The following IL1RAPL2 variants were observed in gnomAD, a reference collection of about 807,000 sequenced individuals.
The protein encoded by IL1RAPL2 is X-linked interleukin-1 receptor accessory protein-like 2.
A neutral mutation model predicts 44.1 loss-of-function variants in IL1RAPL2; 3 were observed. The ratio of observed to expected loss-of-function variants is 0.07; its 90% confidence interval spans 0.03 to 0.18. IL1RAPL2 has a LOEUF of 0.18. Ranked by LOEUF, IL1RAPL2 falls within the 10% of genes least tolerant of loss-of-function variation. IL1RAPL2 has a pLI of 1.00. For missense variants in IL1RAPL2, 391 were observed against 496.4 expected, an observed-to-expected ratio of 0.79 and a Z score of 2.02; for synonymous variants, 181 against 178.8, an observed-to-expected ratio of 1.01 and a Z score of -0.10.
chrX:105,065,236 C>CA (rs1240027966), intron 2 of IL1RAPL2, among the ~76,000 whole-genome samples: 15 of 112,072 alleles, frequency 1.3e-4, no homozygotes, highest in African/African-American at 4.2e-4. Context: ...GTTCATATGA[C>CA]AGACATGGAA....
At chrX:104,956,495 T>TGTGTGTGTGTGTGTGTGTGTG (rs1556020850) in intron 2 of IL1RAPL2, among the ~76,000 whole-genome samples, 6 of 108,549 alleles carry the variant, frequency 5.5e-5, no homozygotes, top group African/African-American at 1.3e-4. Context: ...TGTGTGTGTG[T>TGTGTGTGTGTGTGTGTGTGTG]TATGCCGGGC....
chrX:105,287,935 A>G (rs1406143546), intron 5 of IL1RAPL2, among the ~76,000 whole-genome samples: 1 of 111,364 alleles, frequency 9.0e-6, no homozygotes, highest in Non-Finnish European at 1.9e-5. Flanking sequence ...CCCACAGTCT[A>G]GTAGGGAAGG....
At chrX:104,827,227 T>A (rs1487439913) in intron 2 of IL1RAPL2, among the ~76,000 whole-genome samples, 4 of 110,810 alleles carry the variant, frequency 3.6e-5, no homozygotes. Flanking sequence ...GTACTGATGG[T>A]CTTTACATTT....
intron 2 of IL1RAPL2, among the ~76,000 whole-genome samples, chrX:104,874,430 A>C (rs1922853651): frequency 9.2e-6 from 1 of 109,216 alleles, no homozygotes; most frequent in African/African-American, 3.3e-5. Flanking sequence ...TGAATGGCAG[A>C]AGAGATTAGT....
intron 1 of IL1RAPL2, among the ~76,000 whole-genome samples, chrX:104,594,835 A>G (rs758393412): frequency 9.0e-6 from 1 of 111,428 alleles, no homozygotes; most frequent in Non-Finnish European, 1.9e-5. Flanking sequence ...GGACAAAGGG[A>G]CAGTAGGTGC....
At chrX:105,248,750 T>C (rs1026812951) in intron 4 of IL1RAPL2, among the ~76,000 whole-genome samples, 1 of 111,635 alleles carries the variant, frequency 9.0e-6, no homozygotes, top group African/African-American at 3.2e-5. Flanking sequence ...AGGTGCTCAA[T>C]ATCATTGATC....
intron 2 of IL1RAPL2, among the ~76,000 whole-genome samples, chrX:104,749,080 A>G (rs1468255424): frequency 9.0e-6 from 1 of 111,444 alleles, no homozygotes; most frequent in Non-Finnish European, 1.9e-5. Flanking sequence ...GGGAAATATA[A>G]CAGTAAGGAT....
intron 2 of IL1RAPL2, among the ~76,000 whole-genome samples, chrX:104,739,324 T>A (rs1932065591): frequency 1.8e-5 from 2 of 112,281 alleles, no homozygotes; most frequent in African/African-American, 6.5e-5. Flanking sequence ...TATTTATTTT[T>A]AAAAAAACAG....
chrX:105,568,634 G>A (rs1322707759), intron 6 of IL1RAPL2, among the ~76,000 whole-genome samples: 3 of 111,988 alleles, frequency 2.7e-5, no homozygotes, highest in Non-Finnish European at 5.6e-5. Context: ...AAGATTGGTG[G>A]TTACTTGGCT....
At chrX:105,134,510 C>T (rs192060944) in intron 2 of IL1RAPL2, among the ~76,000 whole-genome samples, 16 of 111,707 alleles carry the variant, frequency 1.4e-4, no homozygotes, top group African/African-American at 4.9e-4. Flanking sequence ...CAAGAGTAGT[C>T]ACTTAGTTTT....
chrX:105,113,392 T>C (rs941351836), intron 2 of IL1RAPL2, among the ~76,000 whole-genome samples: 2 of 112,466 alleles, frequency 1.8e-5, no homozygotes, highest in Admixed American at 9.3e-5. Flanking sequence ...GGTGTCCTTC[T>C]ACAGAGGTAG....
intron 2 of IL1RAPL2, among the ~76,000 whole-genome samples, chrX:104,920,632 A>G (rs1262369651): frequency 9.4e-6 from 1 of 106,233 alleles, no homozygotes; most frequent in African/African-American, 3.4e-5. Context: ...GATGCCTAGC[A>G]GATGCCAGTG....
intron 2 of IL1RAPL2, among the ~76,000 whole-genome samples, chrX:105,042,742 G>T (rs1187826236): frequency 1.9e-5 from 2 of 106,412 alleles, no homozygotes; most frequent in South Asian, 8.8e-4. Flanking sequence ...ATACCCAAAG[G>T]ACTATAAATC....
intron 1 of IL1RAPL2, among the ~76,000 whole-genome samples, chrX:104,635,601 C>T (rs1929781722): frequency 9.0e-6 from 1 of 111,702 alleles, no homozygotes; most frequent in African/African-American, 3.3e-5. Context: ...TTTGATCTTC[C>T]ATCACTGATA....
intron 5 of IL1RAPL2, among the ~76,000 whole-genome samples, chrX:105,351,635 TG>T (rs1309693636): frequency 9.1e-6 from 1 of 109,566 alleles, no homozygotes; most frequent in Admixed American, 9.8e-5. Flanking sequence ...TGTCAGTGGG[TG>T]GGGGGCTAGG....
intron 5 of IL1RAPL2, among the ~76,000 whole-genome samples, chrX:105,429,563 C>T (rs777176345): frequency 3.6e-5 from 4 of 111,914 alleles, no homozygotes; most frequent in African/African-American, 1.3e-4. Context: ...ACAAACAAGG[C>T]AGGTAATTAT....
At chrX:104,923,975 G>A (rs1924710082) in intron 2 of IL1RAPL2, among the ~76,000 whole-genome samples, 1 of 108,357 alleles carries the variant, frequency 9.2e-6, no homozygotes, top group Non-Finnish European at 1.9e-5. Flanking sequence ...TATATATTAT[G>A]CAAATGGAAA....
chrX:104,579,589 C>T (rs1250069417), intron 1 of IL1RAPL2, among the ~76,000 whole-genome samples: 5 of 111,221 alleles, frequency 4.5e-5, no homozygotes, highest in African/African-American at 1.6e-4. Flanking sequence ...GAGCAACACC[C>T]GCTGGGGCCT....
intron 1 of IL1RAPL2, among the ~76,000 whole-genome samples, chrX:104,602,097 G>C (rs73521400): frequency 0.16 from 18,217 of 111,350 alleles, 3,718 homozygotes; most frequent in African/African-American, 0.57. Context: ...GATTGACACA[G>C]AGACGGGTGA....
Sources: gnomAD v4.1 joint callset for allele counts (sites outside exome capture counted in the v4.1 genomes callset) on GRCh38, gnomAD v4.1.1 for gene constraint, MANE v1.5 for transcripts, NCBI Gene and HGNC (gene_info 2026-07-23, HGNC 2026-07-21) for gene names.